The following PWWP2A variants were observed in gnomAD, a reference collection of about 807,000 sequenced individuals.
PWWP2A encodes PWWP domain-containing protein 2A.
Under a neutral mutation model 48.5 loss-of-function variants are expected in PWWP2A, and 18 were observed. That is an observed-to-expected ratio of 0.37 (90% CI 0.26 to 0.55). The LOEUF is 0.55. Among genes scored for constraint, PWWP2A ranks in the 20% least tolerant of loss-of-function variants. PWWP2A has a pLI of 0.81. For missense variants in PWWP2A, 867 were observed against 976.4 expected, an observed-to-expected ratio of 0.89 and a Z score of 1.49; for synonymous variants, 396 against 387.7, an observed-to-expected ratio of 1.02 and a Z score of -0.25.
At chr5:160,066,716 AT>A (rs977142883) in intron 3 of PWWP2A, 1 of 152,152 alleles carries the variant, frequency 6.6e-6, no homozygotes, top group African/African-American at 2.4e-5. Context: ...CCTTTGAAAA[AT>A]AACATGTTTC....
downstream of PWWP2A, among the ~76,000 whole-genome samples, chr5:160,060,287 T>C (rs1757663017): frequency 1.3e-5 from 2 of 152,178 alleles, no homozygotes; most frequent in Non-Finnish European, 2.9e-5. Context: ...AGTCAGTATC[T>C]CCAAAGAGAA....
intron 1 of PWWP2A, among the ~76,000 whole-genome samples, chr5:160,118,194 A>G (rs1758325928): frequency 6.6e-6 from 1 of 152,206 alleles, no homozygotes. Flanking sequence ...TTAAACTATC[A>G]TTAAAATTAG....
rs1042862550 is a variant in PWWP2A at position 160,085,508 on chromosome 5, T to A, written c.1550-4738A>T. ...ATAAGCAAGTAACTGTCACATTCTTTTTTTTTTTTTTTTTTTGAGATGGAG... is the reference window on the plus strand; with the variant it reads ...ATAAGCAAGTAACTGTCACATTCTTATTTTTTTTTTTTTTTTGAGATGGAG... On this transcript the variant is annotated intron_variant, in intron 2 of 3. Coordinates refer to the PWWP2A transcript ENST00000456329. 5.7e-4 allele frequency among the ~76,000 whole-genome samples: 83 copies of A among 144,812 alleles called. 3 individuals are homozygous for A. The highest frequency in any genetic ancestry group is 1.5e-4 in the Non-Finnish European group (10 of 65,718).
chr5:160,075,805 TAAAAAAAAAAAAA>T (rs58558222), downstream of PWWP2A: 5 of 69,840 alleles, frequency 7.2e-5, no homozygotes, highest in South Asian at 6.8e-4. Context: ...ATTCTAATAG[TAAAAAAAAAAAAA>T]AAAAAAAAAA....
downstream of PWWP2A, among the ~76,000 whole-genome samples, chr5:160,075,304 A>T (rs72810150): frequency 9.8e-5 from 15 of 152,324 alleles, no homozygotes; most frequent in Non-Finnish European, 1.5e-4. Flanking sequence ...TTGAGATTAA[A>T]GCCTTCATGT....
rs70987998 is a variant in PWWP2A, at chr5:160,095,047, CAAAAAA to C, written c.585-988_585-983del. Among the ~76,000 whole-genome samples, 76 of 30,868 alleles carry C rather than the reference CAAAAAA, an allele frequency of 2.5e-3. No individual in the cohort carries two copies. The East Asian group carries it at 0.027, about 11-fold the overall frequency. The allele number at this position is 30,868 out of a possible 152,430, so 20.3% of individuals were successfully genotyped here. A position where few individuals can be genotyped will look rare whatever the true frequency, so the allele number is the denominator to read the frequency against. ...TGGGCAACAGAGCAAGACTCTGTCT[CAAAAAA>C]AAAAAAAAAAAAAAAAAAAAAAAAG... On this transcript the variant is annotated intron_variant, in intron 1 of 1. Coordinates refer to ENST00000307063, the MANE Select transcript of PWWP2A (RefSeq NM_001130864.2).
chr5:160,109,782 T>C (rs113581580), intron 1 of PWWP2A, among the ~76,000 whole-genome samples: 1 of 78,834 alleles, frequency 1.3e-5, no homozygotes, highest in African/African-American at 4.2e-5. Context: ...AAAATATATA[T>C]ATATATATAT....
chr5:160,099,925 CA>C (rs1756085677), intron 1 of PWWP2A, among the ~76,000 whole-genome samples: 1 of 151,972 alleles, frequency 6.6e-6, no homozygotes, highest in Admixed American at 6.5e-5. Context: ...CTTGGCCTCC[CA>C]AAGTATTAGG....
chr5:160,092,346 G>A lies in PWWP2A; in HGVS notation c.*36C>T, dbSNP rs1355217278. ...CTAACTAGACTAGAAAATCTGTGGT[G>A]ACTTCCAATGGTCTTGCCTACCTTA... is the stretch of plus-strand genomic sequence containing the variant. On this transcript the variant is annotated 3_prime_UTR_variant, in exon 2 of 2. Coordinates refer to ENST00000307063, the MANE Select transcript of PWWP2A (RefSeq NM_001130864.2). 6.7e-7 allele frequency: 1 copy of A among 1,484,352 alleles called. No homozygotes were observed. The highest frequency in any genetic ancestry group is 9.0e-7 in the Non-Finnish European group (1 of 1,116,894). The allele number at this position is 1,484,352 out of a possible 1,614,324, so 91.9% of individuals were successfully genotyped here. A position where few individuals can be genotyped will look rare whatever the true frequency, so the allele number is the denominator to read the frequency against.
chr5:160,086,984 T>A (rs1340589818), downstream of PWWP2A, among the ~76,000 whole-genome samples: 1 of 152,252 alleles, frequency 6.6e-6, no homozygotes, highest in Non-Finnish European at 1.5e-5. Flanking sequence ...TAAAAGTTTA[T>A]GTTACTGGAA....
chr5:160,089,708 G>C, downstream of PWWP2A: 1 of 1,262,398 alleles, frequency 7.9e-7, no homozygotes, highest in Non-Finnish European at 1.0e-6. Context: ...TCCTTCACTT[G>C]GTTTCTCCCC....
chr5:160,093,477 A>G lies in PWWP2A; in HGVS notation c.1173T>C (p.Ile391=). Residue 391 remains isoleucine (I), a synonymous_variant, in exon 2 of 2, where the codon ATT becomes ATC. Coordinates refer to ENST00000307063, the MANE Select transcript of PWWP2A (RefSeq NM_001130864.2). The surrounding 1 kb of genome is among the most constrained non-coding windows in gnomAD (Gnocchi z 5.8). ...TTACTACTCTGCCTCTGCTGTGAGCAATATTTGAAACCTTAACCACAGCAT... is the reference window on the plus strand; with the variant it reads ...TTACTACTCTGCCTCTGCTGTGAGCGATATTTGAAACCTTAACCACAGCAT... ...KRNAVVKVSN[I]AHSRGRVVKV... is the part of the protein sequence containing the mutation. The G allele has an allele frequency of 1.2e-6, 2 of 1,613,882 alleles. No homozygotes were observed. The highest frequency in any genetic ancestry group is 1.7e-6 in the Non-Finnish European group (2 of 1,179,882).
chr5:160,064,094 T>G (rs1337121689), intron 4 of PWWP2A, among the ~76,000 whole-genome samples: 1 of 149,580 alleles, frequency 6.7e-6, no homozygotes, highest in Non-Finnish European at 1.5e-5. Flanking sequence ...TCAGCCTCCC[T>G]AGTAGCTGGG....
chr5:160,109,774 A>AATATATATAT (rs1223846862), intron 1 of PWWP2A, among the ~76,000 whole-genome samples: 24 of 25,208 alleles, frequency 9.5e-4, no homozygotes, highest in East Asian at 1.4e-3. Context: ...AAAAAAAAAA[A>AATATATATAT]ATATATATAT....
intron 5 of PWWP2A, chr5:160,062,141 A>C (rs1422959864): frequency 6.6e-6 from 1 of 152,262 alleles, no homozygotes; most frequent in Admixed American, 6.5e-5. Context: ...CATAGAATCA[A>C]CCAAGCTAAA....
rs755988668 is a variant in PWWP2A at position 160,109,757 on chromosome 5, GAAAA to G, written c.584+9044_584+9047del. Among the ~76,000 whole-genome samples, 430 of 53,260 alleles carry G rather than the reference GAAAA, an allele frequency of 8.1e-3. 3 individuals carry two copies. The highest frequency in any genetic ancestry group is 0.018 in the South Asian group (25 of 1,354). The allele number at this position is 53,260 out of a possible 152,430, so 34.9% of individuals were successfully genotyped here. A position where few individuals can be genotyped will look rare whatever the true frequency, so the allele number is the denominator to read the frequency against. ...AGGAAATGCAAGAGGATGCAACTGG[GAAAA>G]AAAAAAAAAAAAAATATATATATAT... On this transcript the variant is annotated intron_variant, in intron 1 of 1. Transcript: ENST00000307063.
In PWWP2A at chr5:160,078,087, T is replaced by G; in HGVS notation, c.*68A>C. ...TAGTGCAGCTTTAAAAACTCCAATT[T>G]CATTCAGTCCTGATGCTCTGGTGTT... On this transcript the variant is annotated 3_prime_UTR_variant, in exon 4 of 4. Coordinates refer to the PWWP2A transcript ENST00000456329. This position sits in a 1 kb window ranked among gnomAD's most constrained non-coding sequence, Gnocchi z 4.2. The G allele has an allele frequency of 7.2e-7, 1 of 1,381,102 alleles. No individual in the cohort carries two copies. The highest frequency in any genetic ancestry group is 2.5e-5 in the East Asian group (1 of 40,154). The allele number at this position is 1,381,102 out of a possible 1,614,324, so 85.6% of individuals were successfully genotyped here. A position where few individuals can be genotyped will look rare whatever the true frequency, so the allele number is the denominator to read the frequency against.
chr5:160,098,095 G>A (rs962981987), intron 1 of PWWP2A, among the ~76,000 whole-genome samples: 2 of 152,130 alleles, frequency 1.3e-5, no homozygotes, highest in Non-Finnish European at 2.9e-5. Flanking sequence ...TTATTTTATA[G>A]CTGTTTATAT....
At chr5:160,082,388 G>GA (rs1273757948) in intron 2 of PWWP2A, among the ~76,000 whole-genome samples, 1 of 150,972 alleles carries the variant, frequency 6.6e-6, no homozygotes, top group Non-Finnish European at 1.5e-5. Context: ...AGCTTGCAGT[G>GA]AGCCGAGATC....
Sources: gnomAD v4.1 joint callset for allele counts (sites outside exome capture counted in the v4.1 genomes callset) on GRCh38, gnomAD v4.1.1 for gene constraint, Gnocchi (gnomAD v3.1) non-coding constraint, MANE v1.5 for transcripts, NCBI Gene and HGNC (gene_info 2026-07-23, HGNC 2026-07-21) for gene names.